DPYD: variants seen among roughly 807,000 people sequenced by gnomAD.
DPYD encodes the protein dihydropyrimidine dehydrogenase [NADP(+)].
A neutral mutation model predicts 116.2 loss-of-function variants in DPYD; 109 were observed. The observed-to-expected ratio is 0.94, with a 90% CI of 0.80 to 1.10. The LOEUF is 1.10. DPYD is among the 50% of genes least tolerant of loss of function. DPYD has a pLI of 0.00. For synonymous variants in DPYD, 440 were observed against 432.0 expected, an observed-to-expected ratio of 1.02 and a Z score of -0.23; for missense variants, 1,302 against 1,254.5, an observed-to-expected ratio of 1.04 and a Z score of -0.57.
At chr1:97,422,861 G>T (rs1028327473) in intron 14 of DPYD, among the ~76,000 whole-genome samples, 4 of 152,056 alleles carry the variant, frequency 2.6e-5, no homozygotes, top group African/African-American at 9.7e-5. Context: ...ATAAATGAAT[G>T]AGTAAATAAA....
At chr1:97,616,143 T>TTTC (rs140557638) in intron 8 of DPYD, among the ~76,000 whole-genome samples, 24,576 of 144,462 alleles carry the variant, frequency 0.17, 2,290 homozygotes, top group African/African-American at 0.25. Flanking sequence ...TAATAAATGA[T>TTTC]TTTTTTTTTT....
intron 14 of DPYD, among the ~76,000 whole-genome samples, chr1:97,386,547 T>G (rs1298977146): frequency 1.3e-5 from 2 of 152,180 alleles, no homozygotes; most frequent in Non-Finnish European, 2.9e-5. Context: ...AATTCTATTT[T>G]TACATTCTTG....
At chr1:97,280,569 T>C (rs1665257436) in intron 18 of DPYD, among the ~76,000 whole-genome samples, 1 of 152,188 alleles carries the variant, frequency 6.6e-6, no homozygotes, top group Admixed American at 6.5e-5. Flanking sequence ...TAAAACAGAA[T>C]GAAATCCTTT....
intron 1 of DPYD, among the ~76,000 whole-genome samples, chr1:97,888,850 T>C (rs1237709969): frequency 6.6e-6 from 1 of 152,056 alleles, no homozygotes; most frequent in Non-Finnish European, 1.5e-5. Context: ...AGATGTGACT[T>C]ATAAGAATTA....
At chr1:97,366,076 T>C (rs1261071035) in intron 16 of DPYD, among the ~76,000 whole-genome samples, 1 of 152,122 alleles carries the variant, frequency 6.6e-6, no homozygotes, top group African/African-American at 2.4e-5. Context: ...GCAGCAAAAA[T>C]TTTTACATCA....
At chr1:97,638,687 G>A (rs1000506916) in intron 8 of DPYD, among the ~76,000 whole-genome samples, 6 of 152,120 alleles carry the variant, frequency 3.9e-5, no homozygotes, top group African/African-American at 1.4e-4. Context: ...TGAGGCCTCA[G>A]TAGACTTACA....
chr1:97,594,994 G>C, intron 9 of DPYD, 65 bp downstream of exon 9: 1 of 1,143,092 alleles, frequency 8.7e-7, no homozygotes, highest in South Asian at 1.2e-5. Flanking sequence ...GCTTGATTTT[G>C]ATATTAATTT....
intron 20 of DPYD, among the ~76,000 whole-genome samples, chr1:97,100,708 T>C (rs769987114): frequency 7.9e-5 from 12 of 152,102 alleles, no homozygotes; most frequent in Non-Finnish European, 5.9e-5. Flanking sequence ...TATTTTTTCA[T>C]TTAGATTATT....
chr1:97,899,273 C>T (rs1673238302), intron 1 of DPYD, among the ~76,000 whole-genome samples: 1 of 151,696 alleles, frequency 6.6e-6, no homozygotes, highest in African/African-American at 2.4e-5. Flanking sequence ...CAATTAAAAA[C>T]CCTGGATACT....
At chr1:97,592,524 G>A (rs113669728) in intron 10 of DPYD, among the ~76,000 whole-genome samples, 139 of 152,104 alleles carry the variant, frequency 9.1e-4, no homozygotes, top group African/African-American at 3.0e-3. Context: ...CCACCACCAC[G>A]CCCGGCTAAT....
intron 14 of DPYD, among the ~76,000 whole-genome samples, chr1:97,444,561 A>T (rs1002989180): frequency 6.6e-6 from 1 of 152,192 alleles, no homozygotes; most frequent in Non-Finnish European, 1.5e-5. Context: ...GAATCAATTG[A>T]TGAACTTTAC....
intron 4 of DPYD, among the ~76,000 whole-genome samples, chr1:97,727,828 T>A (rs1050942666): frequency 7.2e-5 from 11 of 151,918 alleles, no homozygotes; most frequent in African/African-American, 2.4e-4. Context: ...CAATTTATTC[T>A]CTCATAGCAA....
intron 20 of DPYD, among the ~76,000 whole-genome samples, chr1:97,111,483 A>G (rs1415287312): frequency 3.4e-5 from 5 of 148,660 alleles, no homozygotes; most frequent in African/African-American, 1.2e-4. Flanking sequence ...CTTTACATTT[A>G]CTGGGTTTTT....
intron 4 of DPYD, among the ~76,000 whole-genome samples, chr1:97,737,804 C>T (rs1234855388): frequency 1.3e-5 from 2 of 152,038 alleles, no homozygotes; most frequent in South Asian, 2.1e-4. Context: ...CACACAAACA[C>T]GTATCAATGT....
intron 8 of DPYD, among the ~76,000 whole-genome samples, chr1:97,640,582 T>C (rs989694231): frequency 1.3e-5 from 2 of 152,174 alleles, no homozygotes; most frequent in Non-Finnish European, 2.9e-5. Flanking sequence ...GTGCTGGGAT[T>C]ATAGGTGTGA....
chr1:97,857,344 A>C (rs1016763617), intron 2 of DPYD, among the ~76,000 whole-genome samples: 1 of 152,166 alleles, frequency 6.6e-6, no homozygotes, highest in Non-Finnish European at 1.5e-5. Flanking sequence ...CTTTTTGTAT[A>C]TTAATGTTGA....
At chr1:97,244,634 T>C (rs549141796) in intron 18 of DPYD, among the ~76,000 whole-genome samples, 12 of 152,164 alleles carry the variant, frequency 7.9e-5, no homozygotes, top group African/African-American at 2.4e-4. Context: ...TACAAGTTGA[T>C]TTATGTGATA....
Position 97,393,559 on chromosome 1 carries a change from T to C in DPYD, c.1906-11098A>G, listed in dbSNP as rs1254632523. On this transcript the variant is annotated intron_variant, in intron 14 of 22. Coordinates refer to ENST00000370192, the MANE Select transcript of DPYD (RefSeq NM_000110.4). ...ACATGCGGTGTTTGGTTTTCTGTCC[T>C]TGGGATAGTTTGCTCAGAATGATGG... 2.0e-5 allele frequency among the ~76,000 whole-genome samples: 3 copies of C among 152,028 alleles called. No individual in the cohort carries two copies. In the East Asian group the frequency reaches 5.8e-4, roughly 29 times the overall value.
intron 3 of DPYD, among the ~76,000 whole-genome samples, chr1:97,749,566 C>T (rs1034622667): frequency 1.5e-4 from 23 of 152,092 alleles, no homozygotes; most frequent in African/African-American, 2.9e-4. Flanking sequence ...ATCTTATATA[C>T]CACATTAATT....
Sources: allele counts gnomAD v4.1 joint callset (sites outside exome capture counted in the v4.1 genomes callset), GRCh38; gene constraint gnomAD v4.1.1; transcripts MANE v1.5; gene names NCBI Gene and HGNC (gene_info 2026-07-23, HGNC 2026-07-21).